Variants in CFAP61 observed in about 807,000 individuals in gnomAD.
CFAP61 encodes the protein cilia and flagella associated protein 61.
In CFAP61, 107 loss-of-function variants were observed where a neutral mutation model predicts 135.6. The ratio of observed to expected loss-of-function variants is 0.79; its 90% CI spans 0.67 to 0.93. CFAP61 has a LOEUF of 0.93. Ranked by LOEUF, CFAP61 falls within the 40% of genes least tolerant of loss-of-function variation. CFAP61 has a pLI of 0.00. For synonymous variants in CFAP61, 575 were observed against 578.5 expected (o/e 0.99, Z 0.09); for missense variants, 1,507 against 1,556.2 (o/e 0.97, Z 0.53).
intron 8 of CFAP61, among the ~76,000 whole-genome samples, chr20:20,125,130 C>G (rs549067872): frequency 6.6e-6 from 1 of 151,798 alleles, no homozygotes; most frequent in South Asian, 2.1e-4. Context: ...GTTAATCTTG[C>G]TAATGGTCTG....
intron 17 of CFAP61, among the ~76,000 whole-genome samples, chr20:20,202,175 C>T (rs1461045501): frequency 6.6e-6 from 1 of 152,300 alleles, no homozygotes; most frequent in Non-Finnish European, 1.5e-5. Context: ...CCCCTCACCC[C>T]TGAGCCCTGG....
intron 21 of CFAP61, among the ~76,000 whole-genome samples, chr20:20,266,631 G>A (rs2052763731): frequency 6.6e-6 from 1 of 152,192 alleles, no homozygotes; most frequent in African/African-American, 2.4e-5. Flanking sequence ...TGAAATTGAA[G>A]CTATTCTTTA....
At chr20:20,353,688 C>T (rs1453296156) in intron 26 of CFAP61, among the ~76,000 whole-genome samples, 1 of 152,050 alleles carries the variant, frequency 6.6e-6, no homozygotes, top group Non-Finnish European at 1.5e-5. Flanking sequence ...GTTACAGTTT[C>T]CAGGAAGCTA....
intron 17 of CFAP61, among the ~76,000 whole-genome samples, chr20:20,208,251 TGA>T (rs773282040): frequency 2.6e-5 from 4 of 152,232 alleles, no homozygotes; most frequent in Non-Finnish European, 5.9e-5. Context: ...TCTATGTGGC[TGA>T]GTTTTCTCCT....
At chr20:20,075,167 C>G (rs1380173225) in intron 4 of CFAP61, 22 bp from the exon 5 acceptor site, 6 of 1,611,650 alleles carry the variant, frequency 3.7e-6, no homozygotes, top group Middle Eastern at 1.7e-4. Flanking sequence ...TAACACTGCC[C>G]CACCCTCTCT....
At chr20:20,069,279 A>G (rs2045537680) in intron 2 of CFAP61, among the ~76,000 whole-genome samples, 1 of 152,058 alleles carries the variant, frequency 6.6e-6, no homozygotes, top group Admixed American at 6.6e-5. Context: ...TTTTATTGTT[A>G]TTTATTATTA....
At chr20:20,108,096 C>G (rs1437409246) in intron 8 of CFAP61, among the ~76,000 whole-genome samples, 1 of 152,126 alleles carries the variant, frequency 6.6e-6, no homozygotes, top group Non-Finnish European at 1.5e-5. Flanking sequence ...TTTTTCTCCC[C>G]CATTTTGCCT....
At position 20,067,644 on chromosome 20, in the gene CFAP61, A is replaced by AATAT. The variant is rs71988476; in HGVS notation, c.144-3194_144-3191dup. 6.2e-3 allele frequency among the ~76,000 whole-genome samples: 802 copies of AATAT among 129,842 alleles called. 11 individuals carry two copies. Among genetic ancestry groups the AATAT allele is most frequent in the East Asian group, 0.04 (185 of 4,600 alleles). The allele number at this position is 129,842 out of a possible 152,430, so 85.2% of individuals were successfully genotyped here. On this transcript the variant is annotated intron_variant, in intron 2 of 26. Transcript: ENST00000245957. ...GTGACACAGCGAGACTCCATCTCAA[A>AATAT]ATATATATATATATATATAATATAT...
chr20:20,346,192 C>T (rs746462496), intron 26 of CFAP61, among the ~76,000 whole-genome samples: 4 of 146,762 alleles, frequency 2.7e-5, no homozygotes, highest in Non-Finnish European at 3.0e-5. Context: ...TGAGCCACCG[C>T]GCCCGGCCGA....
At chr20:20,277,990 G>A (rs1444998689) in intron 22 of CFAP61, among the ~76,000 whole-genome samples, 1 of 152,178 alleles carries the variant, frequency 6.6e-6, no homozygotes, top group Non-Finnish European at 1.5e-5. Context: ...AAATCAAGCA[G>A]CATTCCTCCC....
chr20:20,164,953 A>C (rs957542348), intron 11 of CFAP61, among the ~76,000 whole-genome samples: 1 of 152,222 alleles, frequency 6.6e-6, no homozygotes, highest in African/African-American at 2.4e-5. Flanking sequence ...ATGAGATTTC[A>C]TGAGACTTAT....
intron 17 of CFAP61, among the ~76,000 whole-genome samples, chr20:20,224,445 A>G (rs2048593902): frequency 6.6e-6 from 1 of 152,014 alleles, no homozygotes; most frequent in Non-Finnish European, 1.5e-5. Context: ...AATGGAATCT[A>G]TGGTTTGTAT....
At chr20:20,222,520 G>A (rs983846087) in intron 17 of CFAP61, among the ~76,000 whole-genome samples, 12 of 152,158 alleles carry the variant, frequency 7.9e-5, no homozygotes, top group African/African-American at 2.9e-4. Flanking sequence ...CTACCAAATT[G>A]TTCTGAGCTT....
chr20:20,187,846 G>A (rs199906041), intron 13 of CFAP61, 84 bp from the exon 14 acceptor site: 73 of 1,011,538 alleles, frequency 7.2e-5, no homozygotes, highest in East Asian at 2.4e-5. Flanking sequence ...TTATATAAGT[G>A]TGATATATTA....
chr20:20,124,932 C>T (rs2049956115), intron 8 of CFAP61, among the ~76,000 whole-genome samples: 1 of 151,606 alleles, frequency 6.6e-6, no homozygotes, highest in South Asian at 2.1e-4. Context: ...TCTAATTCTT[C>T]CTGATTTAAG....
chr20:20,360,509 G>A lies in CFAP61; in HGVS notation c.*99G>A, dbSNP rs2059432444. On this transcript the variant is annotated 3_prime_UTR_variant, in exon 27 of 27. Coordinates refer to ENST00000245957, the MANE Select transcript of CFAP61 (RefSeq NM_015585.4). ...GTTCTCTGCAGCCTGGTTTGACAGC[G>A]AAGCCAGCCCCTGGTGGTTTTGTTC... 3 of 1,095,908 alleles carry A rather than the reference G, an allele frequency of 2.7e-6. No homozygotes were observed. Among genetic ancestry groups the A allele is most frequent in the African/African-American group, 1.6e-5 (1 of 63,518 alleles). 67.9% of individuals were successfully genotyped at this position (1,095,908 alleles called of 1,614,324 possible). A position where few individuals can be genotyped will look rare whatever the true frequency, so the allele number is the denominator to read the frequency against.
At chr20:20,318,166 A>G (rs2057247056) in intron 25 of CFAP61, among the ~76,000 whole-genome samples, 1 of 152,098 alleles carries the variant, frequency 6.6e-6, no homozygotes, top group African/African-American at 2.4e-5. Context: ...AGGCTGCTGG[A>G]GTCCTGGGGA....
At chr20:20,223,818 A>T (rs997018643) in intron 17 of CFAP61, among the ~76,000 whole-genome samples, 15 of 152,236 alleles carry the variant, frequency 9.9e-5, no homozygotes, top group African/African-American at 3.1e-4. Context: ...GAATCATGAC[A>T]TAAACTCAAC....
chr20:20,166,957 T>C (rs192661760), intron 12 of CFAP61, among the ~76,000 whole-genome samples: 8 of 152,326 alleles, frequency 5.3e-5, no homozygotes, highest in African/African-American at 1.7e-4. Context: ...AGATTCTCCA[T>C]GCCAGGGTGT....
Sources: gnomAD v4.1 joint callset for allele counts (sites outside exome capture counted in the v4.1 genomes callset) on GRCh38, gnomAD v4.1.1 for gene constraint, MANE v1.5 for transcripts, NCBI Gene and HGNC (gene_info 2026-07-23, HGNC 2026-07-21) for gene names.